MYSM1: variants seen among roughly 807,000 people sequenced by gnomAD.
The protein encoded by MYSM1 is deubiquitinase MYSM1.
In MYSM1, 51 loss-of-function variants were observed where a neutral mutation model predicts 116.0. The ratio of observed to expected loss-of-function variants is 0.44; its 90% confidence interval spans 0.35 to 0.56. The LOEUF is 0.56. Among genes scored for constraint, MYSM1 ranks in the 20% least tolerant of loss-of-function variants. The pLI is 0.00. For synonymous variants in MYSM1, 313 were observed against 315.2 expected (o/e 0.99, Z 0.07); for missense variants, 900 against 974.9 (o/e 0.92, Z 1.02).
At position 58,681,988 on chromosome 1, in the gene MYSM1, ATCAT is replaced by A; in HGVS notation, c.1052_1055del (p.Asn351IlefsTer12). On this transcript the variant is annotated frameshift_variant, in exon 8 of 20. Coordinates refer to ENST00000472487, the MANE Select transcript of MYSM1 (RefSeq NM_001085487.3). LOFTEE classifies it high-confidence loss of function. ...GGCAAGAATGAAAAAGCATTTCATT[ATCAT>A]TCAAATTTTTCTGAATTTCACAAGG... 6.2e-7 allele frequency: 1 copy of A among 1,614,152 alleles called. No individual in the cohort carries two copies. Among genetic ancestry groups the A allele is most frequent in the Non-Finnish European group, 8.5e-7 (1 of 1,180,008 alleles).
chr1:58,684,783 T>G (rs1163592080), intron 7 of MYSM1, among the ~76,000 whole-genome samples: 1 of 152,146 alleles, frequency 6.6e-6, no homozygotes, highest in East Asian at 1.9e-4. Context: ...TCCTGTAAGC[T>G]CTAATAATTC....
At chr1:58,699,741 G>A in intron 1 of MYSM1, 8 of 985,428 alleles carry the variant, frequency 8.1e-6, no homozygotes, top group Non-Finnish European at 9.6e-6. Context: ...CGAAATCGGT[G>A]CCCTCACAGC....
intron 17 of MYSM1, among the ~76,000 whole-genome samples, chr1:58,662,461 C>CGT (rs746815261): frequency 2.5e-5 from 3 of 119,214 alleles, no homozygotes; most frequent in Non-Finnish European, 5.4e-5. Flanking sequence ...TTCACCCCCC[C>CGT]CTTTTTTTTT....
intron 11 of MYSM1, among the ~76,000 whole-genome samples, chr1:58,673,143 C>A (rs10889109): frequency 0.23 from 34,232 of 152,094 alleles, 4,627 homozygotes; most frequent in Middle Eastern, 0.35. Context: ...AAAGCCAGTA[C>A]GTACACATTC....
At chr1:58,697,674 T>C (rs1455374849) in intron 1 of MYSM1, among the ~76,000 whole-genome samples, 1 of 151,438 alleles carries the variant, frequency 6.6e-6, no homozygotes, top group Non-Finnish European at 1.5e-5. Flanking sequence ...ACTGCAACCT[T>C]CACCTCCCAG....
intron 11 of MYSM1, 123 bp downstream of exon 11, chr1:58,673,450 C>T (rs1395133835): frequency 7.6e-6 from 6 of 794,000 alleles, no homozygotes; most frequent in Non-Finnish European, 1.0e-5. Context: ...GACAAATTAA[C>T]ATGGGAATGA....
chr1:58,661,878 C>G (rs190551245), intron 17 of MYSM1, among the ~76,000 whole-genome samples: 210 of 151,916 alleles, frequency 1.4e-3, no homozygotes, highest in African/African-American at 5.0e-3. Context: ...TGGGATTATC[C>G]TAGACAAACT....
chr1:58,694,987 A>C (rs1644953149), intron 2 of MYSM1, 142 bp downstream of exon 2: 1 of 426,616 alleles, frequency 2.3e-6, no homozygotes, highest in African/African-American at 2.0e-5. Flanking sequence ...AAAGTAAAAA[A>C]AAATTCTAAA....
At chr1:58,663,752 T>C (rs1048645222) in intron 17 of MYSM1, among the ~76,000 whole-genome samples, 2 of 152,166 alleles carry the variant, frequency 1.3e-5, no homozygotes, top group African/African-American at 2.4e-5. Context: ...ATCTCCAGAG[T>C]TCACTCTCCA....
At chr1:58,676,594 T>C (rs528331193) in intron 9 of MYSM1, among the ~76,000 whole-genome samples, 30 of 152,280 alleles carry the variant, frequency 2.0e-4, no homozygotes, top group African/African-American at 7.0e-4. Flanking sequence ...CTAGCATGAA[T>C]ACAGTATTTG....
At chr1:58,698,072 CTATT>C (rs1645004301) in intron 1 of MYSM1, among the ~76,000 whole-genome samples, 1 of 103,804 alleles carries the variant, frequency 9.6e-6, no homozygotes, top group South Asian at 3.1e-4. Context: ...CCACTGGACA[CTATT>C]TATCAGACTA....
In MYSM1 at chr1:58,661,165, CT is replaced by C; in HGVS notation, c.2328+4del. On this transcript the variant is annotated splice_donor_region_variant and intron_variant, in intron 19 of 19. Transcript: ENST00000472487. ...ATGGAACCAATTAAAATGAAGACAGCTTACTTTCTGCAAACAAGTCAGGTCA... is the reference window on the plus strand; with the variant it reads ...ATGGAACCAATTAAAATGAAGACAGCTACTTTCTGCAAACAAGTCAGGTCA... 1 of 1,609,538 alleles carries C rather than the reference CT, an allele frequency of 6.2e-7. No individual in the cohort carries two copies. Among genetic ancestry groups the C allele is most frequent in the Non-Finnish European group, 8.5e-7 (1 of 1,176,090 alleles).
intron 7 of MYSM1, 53 bp downstream of exon 7, chr1:58,685,100 T>A (rs1644808266): frequency 2.1e-6 from 3 of 1,397,256 alleles, no homozygotes; most frequent in Non-Finnish European, 2.9e-6. Flanking sequence ...TACTTCTGCT[T>A]AGTTTTTTCT....
intron 5 of MYSM1, 77 bp downstream of exon 5, chr1:58,690,149 C>A (rs1261479333): frequency 8.8e-6 from 11 of 1,256,088 alleles, no homozygotes; most frequent in Non-Finnish European, 1.2e-5. Context: ...CACAGGCCAA[C>A]TATAATTAAA....
intron 6 of MYSM1, 51 bp downstream of exon 6, chr1:58,688,987 A>G (rs1379513120): frequency 2.1e-5 from 31 of 1,489,392 alleles, no homozygotes; most frequent in Non-Finnish European, 2.9e-5. Context: ...AACTTTACCA[A>G]TATTTGCTTC....
chr1:58,669,125 A>G, intron 12 of MYSM1, 87 bp from the exon 13 acceptor site: 8 of 941,254 alleles, frequency 8.5e-6, no homozygotes, highest in Non-Finnish European at 1.1e-5. Flanking sequence ...TATATCAATA[A>G]TCTAAACCCA....
chr1:58,675,857 C>A (rs751333336), intron 9 of MYSM1, among the ~76,000 whole-genome samples: 9 of 152,044 alleles, frequency 5.9e-5, no homozygotes, highest in Non-Finnish European at 8.8e-5. Context: ...GCTGAGGAAG[C>A]AAAAATCCTT....
intron 11 of MYSM1, among the ~76,000 whole-genome samples, chr1:58,672,295 T>C (rs1386849615): frequency 6.6e-6 from 1 of 152,134 alleles, no homozygotes; most frequent in Non-Finnish European, 1.5e-5. Flanking sequence ...TTGAGTTTTC[T>C]TTCACAACTG....
rs1557519476 is a variant in MYSM1, at chr1:58,682,685, CTTTTTTTTCTTTTCTT to C, written c.499-156_499-141del. On this transcript the variant is annotated intron_variant, in intron 7 of 19. Coordinates refer to ENST00000472487, the MANE Select transcript of MYSM1 (RefSeq NM_001085487.3). ...TACATTATACCTCTAATGCGCTTTT[CTTTTTTTTCTTTTCTT>C]TTTTTTTTTTTTGAGACGGAGTCTC... is the stretch of plus-strand genomic sequence containing the variant. The C allele has an allele frequency of 2.8e-3, 935 of 330,516 alleles. 2 individuals carry two copies. Among genetic ancestry groups the C allele is most frequent in the East Asian group, 3.5e-3 (49 of 14,010 alleles). The allele number at this position is 330,516 out of a possible 1,614,324, so 20.5% of individuals were successfully genotyped here.
Sources: gnomAD v4.1 joint callset for allele counts (sites outside exome capture counted in the v4.1 genomes callset) on GRCh38, gnomAD v4.1.1 for gene constraint, MANE v1.5 for transcripts, NCBI Gene and HGNC (gene_info 2026-07-23, HGNC 2026-07-21) for gene names.